Variants in ACBD4 observed in about 807,000 individuals in gnomAD.
ACBD4 encodes acyl-CoA binding domain containing 4.
ACBD4 carries 41 observed loss-of-function variants against 46.0 expected under a neutral mutation model. That is an observed-to-expected ratio of 0.89 (90% CI 0.69 to 1.16). The LOEUF is 1.16. Among genes scored for constraint, ACBD4 ranks in the 50% most tolerant of loss-of-function variants. ACBD4 has a pLI of 0.00. For missense variants in ACBD4, 393 were observed against 399.5 expected (o/e 0.98, Z 0.14); for synonymous variants, 162 against 155.9 (o/e 1.04, Z -0.29).
At chr17:45,142,822 C>T (rs12949675) in intron 9 of ACBD4, 1 of 154,276 alleles carries the variant, frequency 6.5e-6, no homozygotes, top group Non-Finnish European at 1.4e-5. Flanking sequence ...TCCCAAAGTG[C>T]TGGGATGACA....
intron 9 of ACBD4, 106 bp from the exon 10 acceptor site, chr17:45,143,337 C>G: frequency 9.9e-7 from 1 of 1,010,584 alleles, no homozygotes; most frequent in South Asian, 1.8e-5. Flanking sequence ...GTGGTGCAGA[C>G]TTAGGGGCAG....
chr17:45,132,368 C>T (rs959359140), upstream of ACBD4: 44 of 1,229,170 alleles, frequency 3.6e-5, no homozygotes, highest in South Asian at 6.2e-4. The surrounding 1 kb of genome is among the most constrained non-coding windows in gnomAD (Gnocchi z 4.6). Flanking sequence ...ACCGGGGGCT[C>T]CTCGGGCGGG....
upstream of ACBD4, chr17:45,132,289 C>A (rs369624861): frequency 1.3e-5 from 16 of 1,272,366 alleles, no homozygotes; most frequent in African/African-American, 2.3e-4. The surrounding 1 kb of genome is among the most constrained non-coding windows in gnomAD (Gnocchi z 4.6). Context: ...CTTGGTGCCG[C>A]CATCGGAGGG....
upstream of ACBD4, among the ~76,000 whole-genome samples, chr17:45,131,963 C>T (rs886192268): frequency 6.6e-6 from 1 of 152,190 alleles, no homozygotes; most frequent in Non-Finnish European, 1.5e-5. Flanking sequence ...GCTCCATTCT[C>T]CTTGGAGACC....
chr17:45,132,308 G>A, upstream of ACBD4: 1 of 1,256,526 alleles, frequency 8.0e-7, no homozygotes, highest in Non-Finnish European at 1.0e-6. The surrounding 1 kb of genome is among the most constrained non-coding windows in gnomAD (Gnocchi z 4.6). Context: ...GGAGTCGGCG[G>A]GGACGGGAGA....
At chr17:45,132,010 G>C (rs750455225), upstream of ACBD4, among the ~76,000 whole-genome samples, 1 of 152,078 alleles carries the variant, frequency 6.6e-6, no homozygotes, top group Non-Finnish European at 1.5e-5. The surrounding 1 kb of genome is among the most constrained non-coding windows in gnomAD (Gnocchi z 4.6). Flanking sequence ...CGCTTCAGAC[G>C]CCCCGCGAGC....
chr17:45,139,049 C>G lies in ACBD4; in HGVS notation c.678C>G (p.Pro226=). The G allele has an allele frequency of 6.2e-7, 1 of 1,613,670 alleles. No homozygotes were observed. The highest frequency in any genetic ancestry group is 1.3e-5 in the African/African-American group (1 of 75,036). Reference sequence around the variant, plus strand: ...GGTTGCGGGGCAGCCCGCCGGGGCCCCAGGAGTTGGACGTGTGGCTGCTGG... The same window carrying G: ...GGTTGCGGGGCAGCCCGCCGGGGCCGCAGGAGTTGGACGTGTGGCTGCTGG... ...KEGLRGSPPG[P]QELDVWLLGT... Residue 226 remains proline (P), a synonymous_variant, in exon 9 of 10, where the codon CCC becomes CCG. Coordinates refer to ENST00000321854, the MANE Select transcript of ACBD4 (RefSeq NM_001135705.3).
At chr17:45,133,845 T>G (rs1277670496), upstream of ACBD4, among the ~76,000 whole-genome samples, 1 of 152,124 alleles carries the variant, frequency 6.6e-6, no homozygotes, top group African/African-American at 2.4e-5. Flanking sequence ...ATTTTCTTCT[T>G]GATTATCGTA....
chr17:45,131,930 G>A (rs2054458158), upstream of ACBD4, among the ~76,000 whole-genome samples: 1 of 152,068 alleles, frequency 6.6e-6, no homozygotes, highest in South Asian at 2.1e-4. Context: ...CCGGACGAGG[G>A]ACACCCCAAG....
rs748121568 is a variant in ACBD4, at chr17:45,136,583, C to T, written c.172C>T (p.Arg58Trp). Residue 58 changes from arginine to tryptophan, a missense_variant, in exon 3 of 10, where the codon CGG (arginine) becomes TGG (tryptophan). Arg to Trp is a moderately radical substitution (Grantham distance 101). Transcript: ENST00000321854. ...CACCATGGGGCCCTGCCTGGTCCCC[C>T]GGCCCGGGTTCTGGGACCCCATTGG... ...QATMGPCLVP[R>W]PGFWDPIGRY... 20 of 1,613,864 alleles carry T rather than the reference C, an allele frequency of 1.2e-5. No homozygotes were observed. Among genetic ancestry groups the T allele is most frequent in the Non-Finnish European group, 1.6e-5 (19 of 1,180,008 alleles).
Position 45,136,116 on chromosome 17 carries a change from A to C in ACBD4, c.-29A>C, listed in dbSNP as rs907557676. ...AAGGCTGCTTCTTGCAGAGTCGCTC[A>C]AAAGTAGGGCCCCAGGGCTCGCAGC... On this transcript the variant is annotated 5_prime_UTR_variant, in exon 2 of 10. Transcript: ENST00000321854. 8.1e-6 allele frequency: 13 copies of C among 1,610,186 alleles called. No individual in the cohort carries two copies. The highest frequency in any genetic ancestry group is 1.1e-5 in the Non-Finnish European group (13 of 1,179,094).
chr17:45,143,409 G>C (rs370308976), intron 9 of ACBD4, 34 bp from the exon 10 acceptor site: 127 of 1,564,498 alleles, frequency 8.1e-5, no homozygotes, highest in Middle Eastern at 4.4e-4. Context: ...CTGAGGCCTG[G>C]ACTGGCCTCT....
chr17:45,140,551 G>A (rs1312853747), intron 9 of ACBD4, among the ~76,000 whole-genome samples: 2 of 149,722 alleles, frequency 1.3e-5, no homozygotes, highest in African/African-American at 2.5e-5. Context: ...ACAGGCCAGC[G>A]TGGTGGCTCA....
At chr17:45,136,856 C>G (rs1202259513) in intron 4 of ACBD4, 80 bp downstream of exon 4, 1 of 1,591,712 alleles carries the variant, frequency 6.3e-7, no homozygotes, top group East Asian at 2.2e-5. Flanking sequence ...ACTACGTTTC[C>G]TACACATGGA....
At chr17:45,133,979 A>G (rs2054629032), upstream of ACBD4, among the ~76,000 whole-genome samples, 1 of 152,164 alleles carries the variant, frequency 6.6e-6, no homozygotes, top group African/African-American at 2.4e-5. Context: ...TTTAATTGTT[A>G]TGGACACTTA....
intron 4 of ACBD4, 92 bp downstream of exon 4, chr17:45,136,868 C>A: frequency 1.9e-6 from 3 of 1,581,796 alleles, no homozygotes; most frequent in South Asian, 2.2e-5. Flanking sequence ...ACACATGGAC[C>A]CCCTCATGGG....
chr17:45,138,228 A>T (rs1471911306), intron 8 of ACBD4: 5 of 585,982 alleles, frequency 8.5e-6, no homozygotes, highest in African/African-American at 3.7e-5. Flanking sequence ...GCAGGTCCTG[A>T]GTAAGGCCAG....
upstream of ACBD4, among the ~76,000 whole-genome samples, chr17:45,133,882 G>C (rs1235677713): frequency 6.6e-6 from 1 of 152,064 alleles, no homozygotes; most frequent in Non-Finnish European, 1.5e-5. Flanking sequence ...TGATCCTGCC[G>C]TTCCTTCCTC....
At chr17:45,139,561 C>A (rs2055134031) in intron 9 of ACBD4, among the ~76,000 whole-genome samples, 1 of 152,200 alleles carries the variant, frequency 6.6e-6, no homozygotes, top group African/African-American at 2.4e-5. Flanking sequence ...CTCTCCTCAA[C>A]TCCTAGCTCT....
Sources: allele counts gnomAD v4.1 joint callset (sites outside exome capture counted in the v4.1 genomes callset), GRCh38; gene constraint gnomAD v4.1.1; non-coding constraint Gnocchi (gnomAD v3.1); transcripts MANE v1.5; gene names NCBI Gene and HGNC (gene_info 2026-07-23, HGNC 2026-07-21).